Variants in NPEPL1 observed in about 807,000 individuals in gnomAD.
NPEPL1 encodes the protein aminopeptidase like 1, also known as probable aminopeptidase NPEPL1.
NPEPL1 carries 45 observed loss-of-function variants against 52.4 expected under a neutral mutation model. The ratio of observed to expected loss-of-function variants is 0.86; its 90% CI spans 0.68 to 1.10. The LOEUF (loss-of-function observed/expected upper bound fraction) is 1.10, where lower values mean the gene tolerates loss of function less well. NPEPL1 is among the 50% of genes least tolerant of loss of function. NPEPL1 has a pLI of 0.00. For missense variants in NPEPL1, 696 were observed against 710.9 expected, an observed-to-expected ratio of 0.98 and a Z score of 0.24; for synonymous variants, 360 against 314.7, an observed-to-expected ratio of 1.14 and a Z score of -1.52.
chr20:58,697,959 G>A (rs952871110), intron 3 of NPEPL1, among the ~76,000 whole-genome samples: 1 of 152,238 alleles, frequency 6.6e-6, no homozygotes, highest in Non-Finnish European at 1.5e-5. Flanking sequence ...CAGTTCCTGG[G>A]TGGACACGTC....
intron 6 of NPEPL1, among the ~76,000 whole-genome samples, chr20:58,706,712 C>T (rs1327472387): frequency 6.6e-6 from 1 of 152,080 alleles, no homozygotes; most frequent in Non-Finnish European, 1.5e-5. Flanking sequence ...GCAGACAGAC[C>T]CCCAGGCGGC....
At chr20:58,702,510 G>A (rs554095129) in intron 6 of NPEPL1, among the ~76,000 whole-genome samples, 1 of 152,132 alleles carries the variant, frequency 6.6e-6, no homozygotes, top group Non-Finnish European at 1.5e-5. Flanking sequence ...AGCAGAAAAT[G>A]ACACTAATCA....
At chr20:58,700,670 C>A (rs763189522) in intron 5 of NPEPL1, among the ~76,000 whole-genome samples, 1 of 152,214 alleles carries the variant, frequency 6.6e-6, no homozygotes, top group Non-Finnish European at 1.5e-5. Context: ...GAAGTGGGGA[C>A]GAGCATGGGC....
chr20:58,699,147 G>T, intron 4 of NPEPL1, 50 bp from the exon 5 acceptor site: 1 of 1,505,618 alleles, frequency 6.6e-7, no homozygotes. Context: ...CCTGTTTCCA[G>T]CCATCTTCAT....
At chr20:58,699,508 G>A (rs1051502116) in intron 5 of NPEPL1, among the ~76,000 whole-genome samples, 1 of 152,222 alleles carries the variant, frequency 6.6e-6, no homozygotes, top group African/African-American at 2.4e-5. Flanking sequence ...GAAGCTGCTA[G>A]ATCCAAGTCC....
intron 3 of NPEPL1, among the ~76,000 whole-genome samples, chr20:58,697,870 T>C (rs1020876842): frequency 6.6e-6 from 1 of 152,190 alleles, no homozygotes; most frequent in African/African-American, 2.4e-5. Flanking sequence ...TGATGTGTGC[T>C]TTGGTGCATG....
At chr20:58,705,451 C>T in intron 6 of NPEPL1, 1 of 456,120 alleles carries the variant, frequency 2.2e-6, no homozygotes, top group Admixed American at 2.4e-5. Flanking sequence ...TTTACTGCTT[C>T]AGCAAGGAAA....
At position 58,714,014 on chromosome 20, in the gene NPEPL1, T is replaced by C; in HGVS notation, c.1223T>C (p.Val408Ala). The C allele has an allele frequency of 1.3e-6, 2 of 1,527,550 alleles. No individual in the cohort carries two copies. The highest frequency in any genetic ancestry group is 2.5e-5 in the South Asian group (2 of 80,070). 94.6% of individuals were successfully genotyped at this position (1,527,550 alleles called of 1,614,324 possible). Residue 408 changes from valine to alanine, a missense_variant, in exon 10 of 12, where the codon GTG becomes GCG. Val to Ala is a moderately conservative substitution (Grantham distance 64). Coordinates refer to ENST00000356091, the MANE Select transcript of NPEPL1 (RefSeq NM_024663.4). ...GCGGGCAGGAAGTGTGGGGACCTGG[T>C]GCACCCGCTGGTCTACTGCCCCGAG... ...VKAGRKCGDL[V>A]HPLVYCPELH... is the part of the protein sequence containing the mutation.
At position 58,692,981 on chromosome 20, in the gene NPEPL1, GCTGCACCAC is replaced by G. The variant is rs1276124636; in HGVS notation, c.89_97del (p.His30_His32del). Reference sequence around the variant, plus strand: ...GCCGGCCCCTGCTGCTGCTCGGGCAGCTGCACCACCTGCACCGCGTGCCCTGGAGCCACG... The same window carrying G: ...GCCGGCCCCTGCTGCTGCTCGGGCAGCTGCACCGCGTGCCCTGGAGCCACG... On this transcript the variant is annotated inframe_deletion, in exon 1 of 12. Transcript: ENST00000356091. This position sits in a 1 kb window ranked among gnomAD's most constrained non-coding sequence, Gnocchi z 5.7. 4.9e-5 allele frequency: 58 copies of G among 1,193,476 alleles called. No individual in the cohort carries two copies. In the African/African-American group the frequency reaches 5.0e-4, roughly 10 times the overall value. The allele number at this position is 1,193,476 out of a possible 1,614,324, so 73.9% of individuals were successfully genotyped here.
upstream of NPEPL1, chr20:58,691,693 C>CTTTTTTTTT (rs11471424): frequency 2.7e-3 from 1,535 of 563,802 alleles, 12 homozygotes; most frequent in South Asian, 5.8e-3. Flanking sequence ...TTTTTCTTTT[C>CTTTTTTTTT]TTTTTTTTTT....
At chr20:58,694,948 T>A (rs1030730725) in intron 3 of NPEPL1, among the ~76,000 whole-genome samples, 1 of 97,126 alleles carries the variant, frequency 1.0e-5, no homozygotes, top group Non-Finnish European at 2.2e-5. Context: ...ACATGTGTGT[T>A]GCTGTGCGTG....
At chr20:58,712,611 A>G in intron 8 of NPEPL1, 32 bp downstream of exon 8, 1 of 1,476,672 alleles carries the variant, frequency 6.8e-7, no homozygotes, top group Non-Finnish European at 9.5e-7. Context: ...CTTCCTGCCC[A>G]CTGTTGGAAC....
chr20:58,699,919 G>A lies in NPEPL1; in HGVS notation c.679+641G>A, dbSNP rs73124373. 7.9e-3 allele frequency among the ~76,000 whole-genome samples: 1,205 copies of A among 152,326 alleles called. 6 individuals carry two copies. The highest frequency in any genetic ancestry group is 0.011 in the Non-Finnish European group (721 of 68,030). ...ATGCAGCAACACTTATCCCCTCCCC[G>A]TGCTGTGGGTTGGGGATCTTCCCCT... is the stretch of plus-strand genomic sequence containing the variant. On this transcript the variant is annotated intron_variant, in intron 5 of 11. Transcript: ENST00000356091.
Position 58,715,329 on chromosome 20 carries a change from C to T in NPEPL1, c.*3C>T, listed in dbSNP as rs2084932328. 1.9e-6 allele frequency: 3 copies of T among 1,600,446 alleles called. No homozygotes were observed. The highest frequency in any genetic ancestry group is 1.7e-6 in the Non-Finnish European group (2 of 1,172,964). On this transcript the variant is annotated 3_prime_UTR_variant, in exon 12 of 12. Coordinates refer to ENST00000356091, the MANE Select transcript of NPEPL1 (RefSeq NM_024663.4). ...CCAAGAGACGCAGGCTTGTGTGAGC[C>T]TCCTGCCTCGGCCCTGACAAACGGG...
chr20:58,714,221 G>A (rs1203713685), intron 10 of NPEPL1, 128 bp downstream of exon 10: 1 of 1,034,856 alleles, frequency 9.7e-7, no homozygotes, highest in Non-Finnish European at 1.4e-6. Flanking sequence ...TGCAGACGAG[G>A]GCTTGAGAGG....
intron 10 of NPEPL1, 174 bp downstream of exon 10, chr20:58,714,267 T>G: frequency 1.5e-6 from 1 of 686,088 alleles, no homozygotes; most frequent in South Asian, 2.1e-5. Context: ...CCAGACAGCG[T>G]GGGCCACTCA....
upstream of NPEPL1, chr20:58,691,859 C>G (rs901971552): frequency 3.0e-6 from 4 of 1,350,516 alleles, no homozygotes; most frequent in African/African-American, 5.7e-5. Flanking sequence ...TAAATGACTC[C>G]TGGGTGGAGC....
upstream of NPEPL1, chr20:58,692,142 A>C (rs570516897): frequency 1.7e-4 from 70 of 406,798 alleles, no homozygotes; most frequent in Non-Finnish European, 3.1e-4. This position sits in a 1 kb window ranked among gnomAD's most constrained non-coding sequence, Gnocchi z 5.7. Context: ...CCATGCAGCC[A>C]GGCAGTGCCT....
chr20:58,691,703 T>TTTTTTTTTTTTTTTTTTTTTTTTC, upstream of NPEPL1: 1 of 745,538 alleles, frequency 1.3e-6, no homozygotes. Flanking sequence ...CTTTTTTTTT[T>TTTTTTTTTTTTTTTTTTTTTTTTC]TTTTTTTTTT....
Sources: gnomAD v4.1 joint callset for allele counts (sites outside exome capture counted in the v4.1 genomes callset) on GRCh38, gnomAD v4.1.1 for gene constraint, Gnocchi (gnomAD v3.1) non-coding constraint, MANE v1.5 for transcripts, NCBI Gene and HGNC (gene_info 2026-07-23, HGNC 2026-07-21) for gene names.